C12orf54: variants seen among roughly 807,000 people sequenced by gnomAD.
The protein encoded by C12orf54 is uncharacterized protein C12orf54.
A neutral mutation model predicts 26.4 loss-of-function variants in C12orf54; 24 were observed. That is an observed-to-expected ratio of 0.91 (90% CI 0.66 to 1.28). The LOEUF is 1.28. Among genes scored for constraint, C12orf54 ranks in the 50% most tolerant of loss-of-function variants. The pLI is 0.00. For synonymous variants in C12orf54, 54 were observed against 47.0 expected (o/e 1.15, Z -0.61); for missense variants, 154 against 150.9 (o/e 1.02, Z -0.11).
At chr12:48,439,154 T>C in the C12orf54 span, among the ~76,000 whole-genome samples, 3 of 152,174 alleles carry the variant, frequency 2.0e-5, no homozygotes, top group South Asian at 2.1e-4. Context: ...AAAATGCTCA[T>C]CATCACTGGC....
upstream of C12orf54, among the ~76,000 whole-genome samples, chr12:48,478,783 C>A (rs1198043245): frequency 6.6e-6 from 1 of 152,186 alleles, no homozygotes; most frequent in Non-Finnish European, 1.5e-5. Flanking sequence ...CATCACTGTG[C>A]ATCAGAGAAA....
the C12orf54 span, among the ~76,000 whole-genome samples, chr12:48,439,859 G>A: frequency 1.3e-5 from 2 of 151,878 alleles, no homozygotes; most frequent in African/African-American, 4.8e-5. Flanking sequence ...TAATGAACCT[G>A]CACGATGTGC....
the C12orf54 span, among the ~76,000 whole-genome samples, chr12:48,422,775 G>T: frequency 6.6e-6 from 1 of 152,148 alleles, no homozygotes; most frequent in Non-Finnish European, 1.5e-5. Context: ...ATGTGCAGCT[G>T]ATGAGAATTT....
chr12:48,475,025 G>A, the C12orf54 span, among the ~76,000 whole-genome samples: 1 of 152,182 alleles, frequency 6.6e-6, no homozygotes, highest in Non-Finnish European at 1.5e-5. Flanking sequence ...ACCTCACACA[G>A]CCGGGTACTC....
At chr12:48,472,724 A>G in the C12orf54 span, 40 of 1,614,236 alleles carry the variant, frequency 2.5e-5, no homozygotes, top group Non-Finnish European at 3.4e-5. Context: ...CCGATGTGAA[A>G]GAACTTTTCC....
the C12orf54 span, among the ~76,000 whole-genome samples, chr12:48,429,811 C>CAGTACTAAA: frequency 6.6e-6 from 1 of 152,060 alleles, no homozygotes; most frequent in Admixed American, 6.6e-5. Context: ...TTAGAAAAAA[C>CAGTACTAAA]AGTACTAAAA....
At chr12:48,486,275 A>G in intron 3 of C12orf54, 67 bp downstream of exon 3, 1 of 1,512,574 alleles carries the variant, frequency 6.6e-7, no homozygotes. Flanking sequence ...GGGGAGGAGA[A>G]GAGGTTGTAG....
At chr12:48,486,478 C>A in intron 3 of C12orf54, 1 of 632,322 alleles carries the variant, frequency 1.6e-6, no homozygotes, top group Non-Finnish European at 2.8e-6. Flanking sequence ...CTGTCATGCA[C>A]CAGCTAGATC....
At chr12:48,465,971 T>A in the C12orf54 span, among the ~76,000 whole-genome samples, 22,249 of 152,102 alleles carry the variant, frequency 0.15, 2,834 homozygotes, top group East Asian at 0.66. Flanking sequence ...AGCCTAAAAA[T>A]TCTGAAATTA....
intron 8 of C12orf54, among the ~76,000 whole-genome samples, chr12:48,495,327 A>C (rs987786241): frequency 1.3e-5 from 2 of 152,212 alleles, no homozygotes. Flanking sequence ...GGAAAGTTTT[A>C]AAATACATTA....
chr12:48,437,528 C>G, the C12orf54 span, among the ~76,000 whole-genome samples: 1 of 152,192 alleles, frequency 6.6e-6, no homozygotes, highest in Admixed American at 6.5e-5. Flanking sequence ...CAGAATCCAG[C>G]AGCACATCAA....
intron 2 of C12orf54, 27 bp downstream of exon 2, chr12:48,483,388 AC>A: frequency 6.2e-7 from 1 of 1,603,754 alleles, no homozygotes; most frequent in African/African-American, 1.3e-5. Flanking sequence ...TGACCCTCAA[AC>A]ATCCTTAGAT....
chr12:48,452,122 G>C, the C12orf54 span, among the ~76,000 whole-genome samples: 2 of 152,040 alleles, frequency 1.3e-5, no homozygotes, highest in Non-Finnish European at 2.9e-5. Flanking sequence ...GCCTAGTACT[G>C]GTACAAGAAC....
the C12orf54 span, among the ~76,000 whole-genome samples, chr12:48,421,092 A>G: frequency 5.8e-4 from 89 of 152,196 alleles, no homozygotes; most frequent in Middle Eastern, 3.4e-3. Flanking sequence ...TTTTGTCTGT[A>G]TGTCATATTA....
At chr12:48,458,972 T>A in the C12orf54 span, among the ~76,000 whole-genome samples, 1 of 142,584 alleles carries the variant, frequency 7.0e-6, no homozygotes, top group Non-Finnish European at 1.5e-5. Flanking sequence ...GCTGACATCC[T>A]TTCCTACCCA....
chr12:48,440,898 T>C, the C12orf54 span, among the ~76,000 whole-genome samples: 1 of 152,208 alleles, frequency 6.6e-6, no homozygotes, highest in Non-Finnish European at 1.5e-5. Flanking sequence ...ATAACAATAA[T>C]AAATCATTAA....
chr12:48,437,167 C>G, the C12orf54 span, among the ~76,000 whole-genome samples: 4 of 152,158 alleles, frequency 2.6e-5, no homozygotes, highest in Non-Finnish European at 4.4e-5. Context: ...TGGATAAATT[C>G]CTGGACACAT....
At chr12:48,495,068 C>A in intron 8 of C12orf54, 89 bp downstream of exon 8, 1 of 953,604 alleles carries the variant, frequency 1.0e-6, no homozygotes, top group Non-Finnish European at 1.6e-6. Context: ...CTCATCCCAA[C>A]ATGGCAGGGC....
chr12:48,473,418 G>A, the C12orf54 span: 6 of 708,830 alleles, frequency 8.5e-6, no homozygotes, highest in Non-Finnish European at 1.4e-5. Flanking sequence ...TGCCTAAGTG[G>A]AATAATCTAT....
Sources: allele counts gnomAD v4.1 joint callset (sites outside exome capture counted in the v4.1 genomes callset), GRCh38; gene constraint gnomAD v4.1.1; transcripts MANE v1.5; gene names NCBI Gene and HGNC (gene_info 2026-07-23, HGNC 2026-07-21).